Variants in TMEM132C observed in about 807,000 individuals in gnomAD.
TMEM132C encodes the protein transmembrane protein 132C.
Under a neutral mutation model 61.4 loss-of-function variants are expected in TMEM132C, and 29 were observed. That is an observed-to-expected ratio of 0.47 (90% CI 0.35 to 0.64). The LOEUF (loss-of-function observed/expected upper bound fraction) is 0.64. Among genes scored for constraint, TMEM132C ranks in the 30% least tolerant of loss-of-function variants. The pLI is 0.00. For synonymous variants in TMEM132C, 656 were observed against 633.1 expected, an observed-to-expected ratio of 1.04 and a Z score of -0.54; for missense variants, 1,408 against 1,476.9, an observed-to-expected ratio of 0.95 and a Z score of 0.76.
chr12:128,415,017 A>T lies in TMEM132C; in HGVS notation c.371A>T (p.Lys124Met), dbSNP rs1191081107. ...LTSNFLGPTN[K>M]FSFDWKLKAH... ...TCAAACTTTTTAGGTCCAACCAATAAGTTTAGTTTTGATTGGAAACTAAAA... is the reference window on the plus strand; with the variant it reads ...TCAAACTTTTTAGGTCCAACCAATATGTTTAGTTTTGATTGGAAACTAAAA... Residue 124 changes from lysine to methionine, a missense_variant, in exon 2 of 9, where the codon AAG (lysine) becomes ATG (methionine). Physicochemically the swap from Lys to Met is moderately conservative, Grantham distance 95. Transcript: ENST00000435159. This position sits in a 1 kb window ranked among gnomAD's most constrained non-coding sequence, Gnocchi z 5.8. 2.6e-6 allele frequency: 4 copies of T among 1,558,720 alleles called. No homozygotes were observed. The highest frequency in any genetic ancestry group is 3.5e-6 in the Non-Finnish European group (4 of 1,150,958).
At chr12:128,562,667 C>G (rs1001829478) in intron 3 of TMEM132C, among the ~76,000 whole-genome samples, 16 of 152,168 alleles carry the variant, frequency 1.1e-4, no homozygotes, top group Non-Finnish European at 2.2e-4. Context: ...GCTCTGCATG[C>G]CTCGCCTTCC....
At chr12:128,431,987 A>G (rs1176763003) in intron 2 of TMEM132C, among the ~76,000 whole-genome samples, 4 of 152,158 alleles carry the variant, frequency 2.6e-5, no homozygotes, top group Admixed American at 6.5e-5. Context: ...ATTATGCTCA[A>G]TCTGCTCTGT....
chr12:128,348,734 T>C (rs1057310355), intron 1 of TMEM132C, among the ~76,000 whole-genome samples: 2 of 152,212 alleles, frequency 1.3e-5, no homozygotes, highest in African/African-American at 4.8e-5. Flanking sequence ...CTTTGTCATC[T>C]TTCTGTGAGG....
At chr12:128,297,129 G>C (rs948523174) in intron 1 of TMEM132C, among the ~76,000 whole-genome samples, 6 of 152,254 alleles carry the variant, frequency 3.9e-5, no homozygotes, top group Admixed American at 6.5e-5. Flanking sequence ...AAGCAGCAAG[G>C]GTCTGTTTTT....
At chr12:128,476,896 A>T (rs1871171461) in intron 2 of TMEM132C, among the ~76,000 whole-genome samples, 1 of 152,250 alleles carries the variant, frequency 6.6e-6, no homozygotes, top group Non-Finnish European at 1.5e-5. Context: ...GTTCTGTAGG[A>T]AAGTCTCAAT....
intron 1 of TMEM132C, among the ~76,000 whole-genome samples, chr12:128,376,162 C>T (rs1874185973): frequency 6.6e-6 from 1 of 152,188 alleles, no homozygotes; most frequent in Non-Finnish European, 1.5e-5. Context: ...TTGAAATCAT[C>T]AGTTAAGGAT....
chr12:128,577,624 G>A (rs886623195), intron 3 of TMEM132C, among the ~76,000 whole-genome samples: 3 of 152,188 alleles, frequency 2.0e-5, no homozygotes, highest in Non-Finnish European at 2.9e-5. Context: ...TGTGCCTCTC[G>A]CCACCGGTGC....
chr12:128,557,415 C>T (rs1473738666), intron 3 of TMEM132C, among the ~76,000 whole-genome samples: 1 of 152,160 alleles, frequency 6.6e-6, no homozygotes, highest in African/African-American at 2.4e-5. Flanking sequence ...CTTGCCAGAC[C>T]AGTAATTAGT....
At chr12:128,657,342 C>T (rs935198782) in intron 4 of TMEM132C, among the ~76,000 whole-genome samples, 2 of 152,156 alleles carry the variant, frequency 1.3e-5, no homozygotes, top group African/African-American at 4.8e-5. Flanking sequence ...AATATTATCC[C>T]AGCAAACAGA....
At chr12:128,578,143 G>A (rs1029118117) in intron 3 of TMEM132C, among the ~76,000 whole-genome samples, 2 of 152,180 alleles carry the variant, frequency 1.3e-5, no homozygotes, top group African/African-American at 4.8e-5. Flanking sequence ...CCTTGGGCCC[G>A]CTTCCCTCCA....
At chr12:128,595,473 C>T (rs185257943) in intron 3 of TMEM132C, among the ~76,000 whole-genome samples, 6 of 152,312 alleles carry the variant, frequency 3.9e-5, no homozygotes, top group African/African-American at 1.2e-4. Flanking sequence ...AGGGGGGAAG[C>T]TGGGCCCAGG....
At position 128,638,893 on chromosome 12, in the gene TMEM132C, GTGA is replaced by G. The variant is rs1307545550; in HGVS notation, c.1305+22561_1305+22563del. On this transcript the variant is annotated intron_variant, in intron 4 of 8. Coordinates refer to ENST00000435159, the MANE Select transcript of TMEM132C (RefSeq NM_001136103.3). ...GAGGAGAATGGTGATGATGGTGGTG[GTGA>G]TGGTGGTGATGGTGATGATGGTGGT... 6.2e-3 allele frequency among the ~76,000 whole-genome samples: 528 copies of G among 84,588 alleles called. 3 individuals carry two copies. The highest frequency in any genetic ancestry group is 8.9e-3 in the African/African-American group (206 of 23,088). The allele number at this position is 84,588 out of a possible 152,430, so 55.5% of individuals were successfully genotyped here. A position where few individuals can be genotyped will look rare whatever the true frequency, so the allele number is the denominator to read the frequency against.
chr12:128,593,492 A>C (rs1875832377), intron 3 of TMEM132C, among the ~76,000 whole-genome samples: 1 of 152,222 alleles, frequency 6.6e-6, no homozygotes, highest in African/African-American at 2.4e-5. Context: ...ACACTCACAC[A>C]GCCAATCCAT....
At chr12:128,292,935 TG>T (rs1393932075) in intron 1 of TMEM132C, among the ~76,000 whole-genome samples, 1 of 86,224 alleles carries the variant, frequency 1.2e-5, no homozygotes, top group African/African-American at 4.8e-5. Flanking sequence ...GTTTTCTGTG[TG>T]TTGGTGTAGG....
intron 2 of TMEM132C, among the ~76,000 whole-genome samples, chr12:128,531,183 TAA>T: frequency 6.6e-6 from 1 of 152,232 alleles, no homozygotes; most frequent in East Asian, 1.9e-4. Context: ...GAAAAAGAAA[TAA>T]TAGAGTTAGA....
intron 3 of TMEM132C, among the ~76,000 whole-genome samples, chr12:128,571,452 C>T (rs1376543351): frequency 6.6e-6 from 1 of 152,164 alleles, no homozygotes; most frequent in African/African-American, 2.4e-5. Context: ...AGTTCAGTGA[C>T]ATCAAATACA....
In TMEM132C at chr12:128,528,267, G is replaced by A. The variant is rs117458708; in HGVS notation, c.975-15690G>A. Reference sequence around the variant, plus strand: ...GGAATTTTGTGCCCTCACGCATTGTGGGCTTTGCTTTGAAACTCTCCTGGA... The same window carrying A: ...GGAATTTTGTGCCCTCACGCATTGTAGGCTTTGCTTTGAAACTCTCCTGGA... On this transcript the variant is annotated intron_variant, in intron 2 of 8. Transcript: ENST00000435159. Among the ~76,000 whole-genome samples, 11 of 152,238 alleles carry A rather than the reference G, an allele frequency of 7.2e-5. No individual in the cohort carries two copies. The East Asian group carries it at 2.1e-3, about 29-fold the overall frequency.
At chr12:128,440,131 G>A (rs140459004) in intron 2 of TMEM132C, among the ~76,000 whole-genome samples, 2 of 152,214 alleles carry the variant, frequency 1.3e-5, no homozygotes, top group African/African-American at 4.8e-5. Context: ...TCAGTCAAAG[G>A]ATATTTCTCC....
At chr12:128,292,564 G>C (rs1011286307) in intron 1 of TMEM132C, among the ~76,000 whole-genome samples, 1 of 152,068 alleles carries the variant, frequency 6.6e-6, no homozygotes, top group African/African-American at 2.4e-5. Context: ...TCTATTAAGT[G>C]TACTTAGTAC....
Sources: gnomAD v4.1 joint callset for allele counts (sites outside exome capture counted in the v4.1 genomes callset) on GRCh38, gnomAD v4.1.1 for gene constraint, Gnocchi (gnomAD v3.1) non-coding constraint, MANE v1.5 for transcripts, NCBI Gene and HGNC (gene_info 2026-07-23, HGNC 2026-07-21) for gene names.